The following XPNPEP3 variants were observed in gnomAD, a reference collection of about 807,000 sequenced individuals.
XPNPEP3 encodes the protein xaa-Pro aminopeptidase 3.
A neutral mutation model predicts 60.0 loss-of-function variants in XPNPEP3; 41 were observed. The observed-to-expected ratio is 0.68, with a 90% confidence interval of 0.53 to 0.89. The LOEUF is 0.89. Among genes scored for constraint, XPNPEP3 ranks in the 40% least tolerant of loss-of-function variants. XPNPEP3 has a pLI of 0.00. For missense variants in XPNPEP3, 598 were observed against 638.9 expected (o/e 0.94, Z 0.69); for synonymous variants, 212 against 223.2 (o/e 0.95, Z 0.45).
chr22:40,907,503 T>G, intron 4 of XPNPEP3, 84 bp from the exon 5 acceptor site: 1 of 1,388,718 alleles, frequency 7.2e-7, no homozygotes. Flanking sequence ...AAGGTGCTTT[T>G]CATTTGAGCT....
chr22:40,886,298 G>A lies in XPNPEP3; in HGVS notation c.590-15G>A. ...AGTTTTGTTTTAAATTTATTTTTCG[G>A]CTTCTCATTCTAAGCTGAGACGAAC... On this transcript the variant is annotated splice_polypyrimidine_tract_variant and intron_variant, in intron 3 of 9. Transcript: ENST00000357137. 6.2e-7 allele frequency: 1 copy of A among 1,613,012 alleles called. No individual in the cohort carries two copies. The highest frequency in any genetic ancestry group is 2.2e-5 in the East Asian group (1 of 44,876).
At chr22:40,924,753 C>T (rs2058228989) in intron 9 of XPNPEP3, among the ~76,000 whole-genome samples, 2 of 152,124 alleles carry the variant, frequency 1.3e-5, no homozygotes, top group Non-Finnish European at 2.9e-5. Flanking sequence ...GAACTCCTGA[C>T]CTCAGGTGAT....
rs922371648 is a variant in XPNPEP3 at position 40,931,977 on chromosome 22, TA to T, written c.*5543del. ...TTAAAACAGAAAAATGTACCTTTGTTATGTCTTTCCAAATATCCACACCCAC... is the reference window on the plus strand; with the variant it reads ...TTAAAACAGAAAAATGTACCTTTGTTTGTCTTTCCAAATATCCACACCCAC... On this transcript the variant is annotated 3_prime_UTR_variant, in exon 10 of 10. Transcript: ENST00000357137. The T allele has an allele frequency of 2.0e-5, 3 of 152,180 alleles. No homozygotes were observed. The highest frequency in any genetic ancestry group is 7.2e-5 in the African/African-American group (3 of 41,452). 9.4% of individuals were successfully genotyped at this position (152,180 alleles called of 1,614,324 possible).
rs1158979357 is a variant in XPNPEP3, at chr22:40,929,688, C to A, written c.*3253C>A. ...ACCCAGGTATATTGTCCTTTGAGTC[C>A]CAGATTAACTAACTATAGCAGCTAA... is the stretch of plus-strand genomic sequence containing the variant. On this transcript the variant is annotated 3_prime_UTR_variant, in exon 10 of 10. Coordinates refer to ENST00000357137, the MANE Select transcript of XPNPEP3 (RefSeq NM_022098.4). The A allele has an allele frequency of 6.6e-6, 1 of 151,984 alleles. No homozygotes were observed. Among genetic ancestry groups the A allele is most frequent in the East Asian group, 1.9e-4 (1 of 5,186 alleles). The allele number at this position is 151,984 out of a possible 1,614,324, so 9.4% of individuals were successfully genotyped here.
intron 3 of XPNPEP3, among the ~76,000 whole-genome samples, chr22:40,884,208 T>G (rs1270511434): frequency 6.6e-6 from 1 of 152,228 alleles, no homozygotes; most frequent in Admixed American, 6.5e-5. Flanking sequence ...AGAATCATTT[T>G]CTTTCTAGCT....
intron 7 of XPNPEP3, among the ~76,000 whole-genome samples, chr22:40,918,079 A>G (rs967896136): frequency 2.0e-5 from 3 of 151,950 alleles, no homozygotes; most frequent in Non-Finnish European, 4.4e-5. Context: ...TTAACTGACT[A>G]TAAACTGATA....
intron 1 of XPNPEP3, chr22:40,859,589 A>G (rs2057928881): frequency 6.6e-6 from 1 of 152,194 alleles, no homozygotes; most frequent in African/African-American, 2.4e-5. Context: ...TTTTCTGAAA[A>G]TAAACTTTGA....
chr22:40,885,218 A>G (rs1393080214), intron 3 of XPNPEP3, among the ~76,000 whole-genome samples: 3 of 152,124 alleles, frequency 2.0e-5, no homozygotes, highest in Admixed American at 6.6e-5. Context: ...TTTCCCCTCT[A>G]CTTTCCCCAA....
intron 7 of XPNPEP3, among the ~76,000 whole-genome samples, chr22:40,921,692 A>G (rs1041074055): frequency 2.6e-5 from 4 of 152,124 alleles, no homozygotes; most frequent in African/African-American, 4.8e-5. Flanking sequence ...TTGAATTTCA[A>G]ATATTTTCTT....
intron 2 of XPNPEP3, among the ~76,000 whole-genome samples, chr22:40,870,864 C>T (rs2058001767): frequency 6.6e-6 from 1 of 151,596 alleles, no homozygotes; most frequent in African/African-American, 2.4e-5. Flanking sequence ...ACTAAAAATA[C>T]CCCCCAAAAA....
At chr22:40,877,845 G>T (rs2058033336) in intron 2 of XPNPEP3, among the ~76,000 whole-genome samples, 1 of 152,148 alleles carries the variant, frequency 6.6e-6, no homozygotes, top group Non-Finnish European at 1.5e-5. Flanking sequence ...TACTCCTAGG[G>T]TTTAAAGGTC....
chr22:40,915,018 T>G (rs969547664), intron 7 of XPNPEP3, among the ~76,000 whole-genome samples: 14 of 148,884 alleles, frequency 9.4e-5, no homozygotes, highest in Non-Finnish European at 1.8e-4. Context: ...CAGAGAGCTT[T>G]CAAAAATAGG....
chr22:40,889,131 G>C (rs187308333), intron 4 of XPNPEP3, among the ~76,000 whole-genome samples: 109 of 152,074 alleles, frequency 7.2e-4, no homozygotes, highest in African/African-American at 2.6e-3. Flanking sequence ...CCTGGACTTA[G>C]GGGATACTCT....
chr22:40,908,221 A>C (rs2058163664), intron 5 of XPNPEP3, among the ~76,000 whole-genome samples: 1 of 151,382 alleles, frequency 6.6e-6, no homozygotes, highest in Non-Finnish European at 1.5e-5. Context: ...TGTTTCAAAA[A>C]AAAAAAAAGA....
Position 40,926,585 on chromosome 22 carries a change from T to TG in XPNPEP3, c.*156dup, listed in dbSNP as rs1439412385. ...CTGTGTGAATGTATGTAATTGTGTG[T>TG]GGGGGGTTTTTTGTTTTAAGTAGTT... On this transcript the variant is annotated 3_prime_UTR_variant, in exon 10 of 10. Transcript: ENST00000357137. 3.8e-6 allele frequency: 4 copies of TG among 1,040,672 alleles called. No individual in the cohort carries two copies. In the South Asian group the frequency reaches 5.3e-5, roughly 14 times the overall value. 64.5% of individuals were successfully genotyped at this position (1,040,672 alleles called of 1,614,324 possible).
At chr22:40,891,668 G>A (rs1002548783) in intron 4 of XPNPEP3, among the ~76,000 whole-genome samples, 1 of 151,366 alleles carries the variant, frequency 6.6e-6, no homozygotes, top group African/African-American at 2.4e-5. Flanking sequence ...AAAAAAAAAG[G>A]TTACAAGGTT....
chr22:40,869,609 G>C (rs889341545), intron 2 of XPNPEP3, among the ~76,000 whole-genome samples: 3 of 152,098 alleles, frequency 2.0e-5, no homozygotes, highest in Non-Finnish European at 4.4e-5. Context: ...AGATTTGTTT[G>C]TCACAGATTT....
intron 4 of XPNPEP3, among the ~76,000 whole-genome samples, chr22:40,898,225 ATTTTTTTTTTTTTTTTTTTTTTTTTTT>A (rs71200626): frequency 3.5e-5 from 1 of 28,768 alleles, no homozygotes; most frequent in Non-Finnish European, 6.2e-5. Context: ...TCTTTGACCC[ATTTTTTTTTTTTTTTTTTTTTTTTTTT>A]TTTTTTTTTT....
Position 40,926,582 on chromosome 22 carries a change from G to A in XPNPEP3, c.*147G>A. On this transcript the variant is annotated 3_prime_UTR_variant, in exon 10 of 10. Transcript: ENST00000357137. ...CAGCTGTGTGAATGTATGTAATTGT[G>A]TGTGGGGGGTTTTTTGTTTTAAGTA... 2 of 1,051,124 alleles carry A rather than the reference G, an allele frequency of 1.9e-6. No individual in the cohort carries two copies. The highest frequency in any genetic ancestry group is 1.9e-5 in the Admixed American group (1 of 52,486). The allele number at this position is 1,051,124 out of a possible 1,614,324, so 65.1% of individuals were successfully genotyped here.
Sources: gnomAD v4.1 joint callset for allele counts (sites outside exome capture counted in the v4.1 genomes callset) on GRCh38, gnomAD v4.1.1 for gene constraint, MANE v1.5 for transcripts, NCBI Gene and HGNC (gene_info 2026-07-23, HGNC 2026-07-21) for gene names.